The following MUC5AC variants were observed in gnomAD, a reference collection of about 807,000 sequenced individuals.
MUC5AC encodes the protein mucin-5AC.
MUC5AC carries 158 observed loss-of-function variants against 169.7 expected under a neutral mutation model. The ratio of observed to expected loss-of-function variants is 0.93; its 90% CI spans 0.82 to 1.06. The LOEUF is 1.06. MUC5AC is among the 50% of genes least tolerant of loss of function. The pLI, the probability that MUC5AC is intolerant of heterozygous loss-of-function variation, is 0.00. For missense variants in MUC5AC, 4,359 were observed against 3,089.9 expected, an observed-to-expected ratio of 1.41 and a Z score of -9.74; for synonymous variants, 1,975 against 1,237.0, an observed-to-expected ratio of 1.60 and a Z score of -12.52.
At chr11:1,170,126 TTCACTCAC>T (rs1860459792) in intron 15 of MUC5AC, among the ~76,000 whole-genome samples, 1 of 72,734 alleles carries the variant, frequency 1.4e-5, no homozygotes, top group African/African-American at 6.0e-5. Context: ...CATTCACCCA[TTCACTCAC>T]TCACCCACTC....
intron 11 of MUC5AC, among the ~76,000 whole-genome samples, chr11:1,166,545 A>G (rs879258270): frequency 3.5e-5 from 4 of 113,800 alleles, no homozygotes; most frequent in Non-Finnish European, 5.4e-5. Flanking sequence ...CCCTGCACCC[A>G]ACACACAGTC....
chr11:1,185,338 C>T lies in MUC5AC; in HGVS notation c.7193C>T (p.Pro2398Leu), dbSNP rs1378379845. Residue 2398 changes from proline (P) to leucine (L), a missense_variant, in exon 31 of 49, where the codon CCT (proline) becomes CTT (leucine). By Grantham distance (98) the Pro-to-Leu change is moderately conservative. Coordinates refer to ENST00000621226, the MANE Select transcript of MUC5AC (RefSeq NM_001304359.2). ...RISGPETTPSPVPTTSTTSAT... is the reference protein window; with the variant it reads ...RISGPETTPSLVPTTSTTSAT... Reference sequence around the variant, plus strand: ...TCTGGTCCTGAAACTACTCCCAGCCCTGTTCCTACCACCAGCACAACCTCT... The same window carrying T: ...TCTGGTCCTGAAACTACTCCCAGCCTTGTTCCTACCACCAGCACAACCTCT... 3 of 711,382 alleles carry T rather than the reference C, an allele frequency of 4.2e-6. No individual in the cohort carries two copies. The South Asian group carries it at 4.3e-5, about 10-fold the overall frequency. The allele number at this position is 711,382 out of a possible 1,614,324, so 44.1% of individuals were successfully genotyped here.
Position 1,194,281 on chromosome 11 carries a change from C to T in MUC5AC, c.14927C>T (p.Pro4976Leu), listed in dbSNP as rs773665663. Reference sequence around the variant, plus strand: ...GGTGCGGAGGACGGGCTCTCCTGCCCGAGGTCCATCATCCTGGAGTACCAC... The same window carrying T: ...GGTGCGGAGGACGGGCTCTCCTGCCTGAGGTCCATCATCCTGGAGTACCAC... ...FCGAEDGLSCPRSIILEYHQD... is the reference protein window; with the variant it reads ...FCGAEDGLSCLRSIILEYHQD... Residue 4976 changes from proline to leucine, a missense_variant, in exon 34 of 49, where the codon CCG (proline) becomes CTG (leucine). Pro to Leu is a moderately conservative substitution (Grantham distance 98). Transcript: ENST00000621226. 93 of 761,614 alleles carry T rather than the reference C, an allele frequency of 1.2e-4. No individual in the cohort carries two copies. The highest frequency in any genetic ancestry group is 1.8e-4 in the Non-Finnish European group (75 of 416,658). The allele number at this position is 761,614 out of a possible 1,614,324, so 47.2% of individuals were successfully genotyped here. A position where few individuals can be genotyped will look rare whatever the true frequency, so the allele number is the denominator to read the frequency against.
rs1343072558 is a variant in MUC5AC, at chr11:1,176,634, G to A, written c.2623G>A (p.Gly875Ser). The stretch of plus-strand genomic sequence containing the variant: ...GCACAATGAGGCCAGCTACCGGGCC[G>A]GCCAGACCATCCGGGTGGGCTGCAA... ...CVHNEASYRAGQTIRVGCNTC... is the reference protein window; with the variant it reads ...CVHNEASYRASQTIRVGCNTC... Residue 875 changes from glycine (G) to serine (S), a missense_variant, in exon 21 of 49, where the codon GGC (glycine) becomes AGC (serine). Physicochemically the swap from Gly to Ser is moderately conservative, Grantham distance 56. Transcript: ENST00000621226. 5.8e-5 allele frequency: 23 copies of A among 398,602 alleles called. No homozygotes were observed. The highest frequency in any genetic ancestry group is 1.0e-4 in the African/African-American group (5 of 48,640). 24.7% of individuals were successfully genotyped at this position (398,602 alleles called of 1,614,324 possible). A position where few individuals can be genotyped will look rare whatever the true frequency, so the allele number is the denominator to read the frequency against.
rs1564912699 is a variant in MUC5AC, at chr11:1,181,398, C to T, written c.3948C>T (p.Tyr1316=). The change falls in exon 30 of 49, where the codon TAC becomes TAT. Residue 1316 remains tyrosine (Y), a synonymous_variant. Transcript: ENST00000621226. Reference sequence around the variant, plus strand: ...ACGGCACCATTGAGAGGAGGGTCTACCCCTGCAGCCCCACCACCCCTGTCC... The same window carrying T: ...ACGGCACCATTGAGAGGAGGGTCTATCCCTGCAGCCCCACCACCCCTGTCC... ...GANGTIERRV[Y]PCSPTTPVPP... The T allele has an allele frequency of 7.5e-6, 3 of 398,442 alleles. No individual in the cohort carries two copies. The highest frequency in any genetic ancestry group is 2.1e-5 in the African/African-American group (1 of 48,584). 24.7% of individuals were successfully genotyped at this position (398,442 alleles called of 1,614,324 possible). A position where few individuals can be genotyped will look rare whatever the true frequency, so the allele number is the denominator to read the frequency against.
rs1861005623 is a variant in MUC5AC at position 1,188,412 on chromosome 11, A to G, written c.10267A>G (p.Ile3423Val). The change falls in exon 31 of 49, where the codon ATC becomes GTC. Residue 3423 changes from isoleucine to valine, a missense_variant. By Grantham distance (29) the Ile-to-Val change is conservative. Transcript: ENST00000621226. ...AACCTCGGCTCCTACAAGCAGCACA[A>G]TCTCTGCTCGTACAACCAGCATAAT... ...STTSAPTSST[I>V]SARTTSIISA... The G allele has an allele frequency of 1.6e-6, 1 of 631,208 alleles. No homozygotes were observed. Among genetic ancestry groups the G allele is most frequent in the East Asian group, 2.7e-5 (1 of 37,056 alleles). The allele number at this position is 631,208 out of a possible 1,614,324, so 39.1% of individuals were successfully genotyped here.
rs1860570726 is a variant in MUC5AC, at chr11:1,172,429, A to G, written c.1871A>G (p.Glu624Gly). The change falls in exon 16 of 49, where the codon GAG becomes GGG. Residue 624 changes from glutamate (E) to glycine (G), a missense_variant and splice_region_variant. Transcript: ENST00000621226. ...EDPCSLSVENEKYAQHWCSQL... is the reference protein window; with the variant it reads ...EDPCSLSVENGKYAQHWCSQL... The stretch of plus-strand genomic sequence containing the variant: ...AACCCTATCCCTCCTCTGTCCACAG[A>G]GAAGTATGCTCAGCACTGGTGCTCG... 2.5e-6 allele frequency: 1 copy of G among 398,562 alleles called. No homozygotes were observed. Among genetic ancestry groups the G allele is most frequent in the Non-Finnish European group, 4.4e-6 (1 of 226,088 alleles). The allele number at this position is 398,562 out of a possible 1,614,324, so 24.7% of individuals were successfully genotyped here.
In MUC5AC at chr11:1,168,934, C is replaced by T. The variant is rs1223141704; in HGVS notation, c.1778C>T (p.Ala593Val). ...RTLSGVVEAT[A>V]AAFFNTFKTQ... The stretch of plus-strand genomic sequence containing the variant: ...CTCAGTGGGGTGGTGGAGGCCACCG[C>T]TGCGGCCTTCTTCAACACCTTCAAG... The change falls in exon 15 of 49, where the codon GCT (alanine) becomes GTT (valine). Residue 593 changes from alanine (A) to valine (V), a missense_variant. Coordinates refer to ENST00000621226, the MANE Select transcript of MUC5AC (RefSeq NM_001304359.2). The T allele has an allele frequency of 1.9e-6, 3 of 1,611,592 alleles. No homozygotes were observed. Among genetic ancestry groups the T allele is most frequent in the African/African-American group, 1.3e-5 (1 of 75,030 alleles).
chr11:1,196,103 C>T, intron 37 of MUC5AC, 49 bp downstream of exon 37: 1 of 731,726 alleles, frequency 1.4e-6, no homozygotes, highest in Non-Finnish European at 2.5e-6. Flanking sequence ...GTGAGGGGCA[C>T]AGGCACGCCG....
chr11:1,194,392 G>T (rs757737746), intron 34 of MUC5AC, 32 bp downstream of exon 34: 123 of 710,244 alleles, frequency 1.7e-4, no homozygotes, highest in Non-Finnish European at 4.4e-5. Flanking sequence ...CGCGGAGGGG[G>T]TGGGGGACGC....
rs2133763282 is a variant in MUC5AC, at chr11:1,189,158, CACAACCTCTGCCCCT to C, written c.11019_11033del (p.Ala3675_Ser3679del). 5.0e-6 allele frequency: 3 copies of C among 600,122 alleles called. No individual in the cohort carries two copies. Among genetic ancestry groups the C allele is most frequent in the Middle Eastern group, 2.6e-4 (1 of 3,884 alleles). The allele number at this position is 600,122 out of a possible 1,614,324, so 37.2% of individuals were successfully genotyped here. On this transcript the variant is annotated inframe_deletion, in exon 31 of 49. Transcript: ENST00000621226. ...GCATAACCTCCACTACACAGACCAG[CACAACCTCTGCCCCT>C]ACAACTAGCACAACCCCTGCTTCTA...
At chr11:1,196,346 G>A (rs774090952) in intron 37 of MUC5AC, 42 bp from the exon 38 acceptor site, 1 of 762,232 alleles carries the variant, frequency 1.3e-6, no homozygotes, top group Non-Finnish European at 2.4e-6. Flanking sequence ...CTCTGGGTGG[G>A]TGCCCTCCCA....
intron 3 of MUC5AC, 146 bp from the exon 4 acceptor site, chr11:1,161,761 G>A: frequency 1.5e-6 from 2 of 1,336,584 alleles, no homozygotes; most frequent in East Asian, 2.5e-5. Flanking sequence ...CTTCCCAGAT[G>A]CAGGAAGGAC....
At position 1,194,621 on chromosome 11, in the gene MUC5AC, C is replaced by T. The variant is rs753199518; in HGVS notation, c.15141C>T (p.Ser5047=). The change falls in exon 35 of 49, where the codon TCC becomes TCT. Residue 5047 remains serine, a synonymous_variant. Coordinates refer to ENST00000621226, the MANE Select transcript of MUC5AC (RefSeq NM_001304359.2). ...VQVMFSGLIF[S]VEVPFSKFAN... Reference sequence around the variant, plus strand: ...TCATGTTCTCCGGCCTCATCTTCTCCGTGGAGGTGCCCTTCAGCAAGTTTG... The same window carrying T: ...TCATGTTCTCCGGCCTCATCTTCTCTGTGGAGGTGCCCTTCAGCAAGTTTG... The T allele has an allele frequency of 1.8e-5, 14 of 764,134 alleles. No homozygotes were observed. Among genetic ancestry groups the T allele is most frequent in the South Asian group, 5.4e-5 (4 of 74,566 alleles). The allele number at this position is 764,134 out of a possible 1,614,324, so 47.3% of individuals were successfully genotyped here. A position where few individuals can be genotyped will look rare whatever the true frequency, so the allele number is the denominator to read the frequency against.
At chr11:1,159,144 C>T (rs529265575) in intron 1 of MUC5AC, among the ~76,000 whole-genome samples, 1 of 152,310 alleles carries the variant, frequency 6.6e-6, no homozygotes, top group South Asian at 2.1e-4. Context: ...GCTAACACCC[C>T]TCCGCCCACT....
intron 40 of MUC5AC, among the ~76,000 whole-genome samples, 173 bp downstream of exon 40, chr11:1,197,081 C>G (rs984560601): frequency 6.6e-5 from 10 of 152,192 alleles, no homozygotes; most frequent in Non-Finnish European, 1.2e-4. Flanking sequence ...CAGAAAGACT[C>G]GGGATCTCCC....
chr11:1,162,492 C>T, intron 4 of MUC5AC, 40 bp from the exon 5 acceptor site: 2 of 1,570,620 alleles, frequency 1.3e-6, no homozygotes, highest in Non-Finnish European at 1.7e-6. Flanking sequence ...GGTCTCTCCT[C>T]ACTGCGCTCC....
At position 1,185,384 on chromosome 11, in the gene MUC5AC, C is replaced by A; in HGVS notation, c.7239C>A (p.Thr2413=). 1.4e-6 allele frequency: 1 copy of A among 718,502 alleles called. No individual in the cohort carries two copies. Among genetic ancestry groups the A allele is most frequent in the East Asian group, 2.6e-5 (1 of 38,434 alleles). The allele number at this position is 718,502 out of a possible 1,614,324, so 44.5% of individuals were successfully genotyped here. A position where few individuals can be genotyped will look rare whatever the true frequency, so the allele number is the denominator to read the frequency against. The change falls in exon 31 of 49, where the codon ACC becomes ACA. Residue 2413 remains threonine, a synonymous_variant. Coordinates refer to ENST00000621226, the MANE Select transcript of MUC5AC (RefSeq NM_001304359.2). ...CCTCTGCCACTACAACCAGCACAACCTCAGCTCCTACAACCAGCACAACCT... is the reference window on the plus strand; with the variant it reads ...CCTCTGCCACTACAACCAGCACAACATCAGCTCCTACAACCAGCACAACCT... ...STTSATTTST[T]SAPTTSTTSA...
At chr11:1,176,392 T>A in intron 20 of MUC5AC, 122 bp from the exon 21 acceptor site, 1 of 398,688 alleles carries the variant, frequency 2.5e-6, no homozygotes, top group Non-Finnish European at 4.4e-6. Flanking sequence ...CCCCTGCCCA[T>A]GCGCTCCCGG....
Sources: allele counts gnomAD v4.1 joint callset (sites outside exome capture counted in the v4.1 genomes callset), GRCh38; gene constraint gnomAD v4.1.1; transcripts MANE v1.5; gene names NCBI Gene and HGNC (gene_info 2026-07-23, HGNC 2026-07-21).